ARHGAP32: variants seen among roughly 807,000 people sequenced by gnomAD.
ARHGAP32 encodes the protein Rho GTPase activating protein 32.
ARHGAP32 carries 51 observed loss-of-function variants against 186.5 expected under a neutral mutation model. That is an observed-to-expected ratio of 0.27 (90% CI 0.22 to 0.35). The LOEUF is 0.35. ARHGAP32 is among the 10% of genes least tolerant of loss of function. The pLI is 1.00. For synonymous variants in ARHGAP32, 950 were observed against 964.3 expected (o/e 0.99, Z 0.27); for missense variants, 2,186 against 2,623.5 (o/e 0.83, Z 3.64).
intron 11 of ARHGAP32, among the ~76,000 whole-genome samples, chr11:129,019,783 T>C (rs561316967): frequency 7.2e-5 from 11 of 152,226 alleles, no homozygotes; most frequent in Middle Eastern, 3.4e-3. Flanking sequence ...GACCTAGTCA[T>C]TGAAAGCTTT....
intron 12 of ARHGAP32, among the ~76,000 whole-genome samples, chr11:128,996,842 C>T (rs1432504373): frequency 1.3e-5 from 2 of 151,892 alleles, no homozygotes; most frequent in East Asian, 1.9e-4. Context: ...AGTGCAGTGG[C>T]GTGAAATCAG....
intron 11 of ARHGAP32, among the ~76,000 whole-genome samples, chr11:129,034,919 T>C (rs577038154): frequency 1.3e-5 from 2 of 149,366 alleles, no homozygotes; most frequent in South Asian, 2.1e-4. Context: ...AACTGATATG[T>C]AAAGGAGAGG....
chr11:129,005,388 G>A lies in ARHGAP32; in HGVS notation c.1046-6920C>T, dbSNP rs528082600. Among the ~76,000 whole-genome samples, 13 of 152,062 alleles carry A rather than the reference G, an allele frequency of 8.5e-5. No individual in the cohort carries two copies. The East Asian group carries it at 1.2e-3, about 14-fold the overall frequency. ...TAATTTCTTATTGTTCATTAATGTC[G>A]TTTTCTTTCTGACTGAAGTATTCCC... On this transcript the variant is annotated intron_variant, in intron 11 of 22. Coordinates refer to ENST00000682385, the MANE Select transcript of ARHGAP32 (RefSeq NM_001378024.1).
chr11:129,142,777 T>C (rs566681673), intron 2 of ARHGAP32, among the ~76,000 whole-genome samples: 1 of 151,744 alleles, frequency 6.6e-6, no homozygotes, highest in South Asian at 2.1e-4. Flanking sequence ...TTGATCAAAG[T>C]GTTCTTTCTG....
At chr11:128,998,026 C>G (rs1946249673) in intron 12 of ARHGAP32, among the ~76,000 whole-genome samples, 1 of 152,096 alleles carries the variant, frequency 6.6e-6, no homozygotes, top group Non-Finnish European at 1.5e-5. Context: ...GCTGAAGAAG[C>G]TATCTAGGGA....
In ARHGAP32 at chr11:129,272,115, G is replaced by A. The variant is rs148691938; in HGVS notation, c.-5+7031C>T. On this transcript the variant is annotated intron_variant, in intron 1 of 6. Coordinates refer to the ARHGAP32 transcript ENST00000525234. ...ATAAACAACTCTTGAAATTTCTGCT[G>A]CAAAAGGAAACAAAAAAAGGACAAT... Among the ~76,000 whole-genome samples, 76 of 152,232 alleles carry A rather than the reference G, an allele frequency of 5.0e-4. 1 individual carries two copies. The East Asian group carries it at 0.014, about 29-fold the overall frequency.
intron 2 of ARHGAP32, among the ~76,000 whole-genome samples, chr11:129,156,480 T>C (rs921692641): frequency 2.0e-5 from 3 of 152,106 alleles, no homozygotes; most frequent in Non-Finnish European, 4.4e-5. Context: ...CCCTGGGAAG[T>C]TGGGACAGTG....
chr11:129,216,877 C>T (rs908377824), intron 1 of ARHGAP32, among the ~76,000 whole-genome samples: 2 of 151,822 alleles, frequency 1.3e-5, no homozygotes, highest in South Asian at 2.1e-4. Context: ...TCCACCTCAA[C>T]TATTTCTATT....
intron 1 of ARHGAP32, among the ~76,000 whole-genome samples, chr11:129,276,182 G>A (rs1761186574): frequency 6.6e-6 from 1 of 152,200 alleles, no homozygotes; most frequent in Non-Finnish European, 1.5e-5. Context: ...CCAAGTAATT[G>A]AAAATTCCAG....
intron 1 of ARHGAP32, among the ~76,000 whole-genome samples, chr11:129,252,412 G>C (rs77271701): frequency 1.2e-3 from 178 of 152,230 alleles, no homozygotes; most frequent in African/African-American, 4.2e-3. Flanking sequence ...TGGCAACTTC[G>C]GTCCTTGAGA....
At chr11:129,103,280 T>A (rs1449458529) in intron 5 of ARHGAP32, among the ~76,000 whole-genome samples, 1 of 152,136 alleles carries the variant, frequency 6.6e-6, no homozygotes, top group Non-Finnish European at 1.5e-5. Context: ...TATCAGATTT[T>A]AAGAGCAAAC....
chr11:129,081,105 C>A (rs924920318), intron 6 of ARHGAP32, among the ~76,000 whole-genome samples: 7 of 151,756 alleles, frequency 4.6e-5, no homozygotes, highest in African/African-American at 1.7e-4. Context: ...CAGCAATACT[C>A]AAATGGTAAT....
chr11:129,107,642 G>A (rs540402258), intron 5 of ARHGAP32, among the ~76,000 whole-genome samples: 5 of 152,260 alleles, frequency 3.3e-5, no homozygotes, highest in African/African-American at 1.2e-4. Context: ...GCCACAGCAG[G>A]CGGATCGCCT....
At chr11:128,990,612 G>C (rs774406821) in intron 12 of ARHGAP32, among the ~76,000 whole-genome samples, 1 of 152,222 alleles carries the variant, frequency 6.6e-6, no homozygotes, top group Non-Finnish European at 1.5e-5. Context: ...AGGTAGAATT[G>C]CTGGGTACTT....
In ARHGAP32 at chr11:128,973,272, G is replaced by A. The variant is rs944681427; in HGVS notation, c.3234C>T (p.Thr1078=). ...CATAATTTGTATACCCAGCCTGAGA[G>A]GTCCCTGGTCTCTTCAATGACTGAG... ...ASTQSLKRPG[T]SQAGYTNYGD... The change falls in exon 22 of 23, where the codon ACC becomes ACT. Residue 1078 remains threonine (T), a synonymous_variant. Coordinates refer to ENST00000682385, the MANE Select transcript of ARHGAP32 (RefSeq NM_001378024.1). 18 of 1,613,906 alleles carry A rather than the reference G, an allele frequency of 1.1e-5. No individual in the cohort carries two copies. The highest frequency in any genetic ancestry group is 1.4e-5 in the Non-Finnish European group (17 of 1,180,044).
intron 11 of ARHGAP32, among the ~76,000 whole-genome samples, chr11:129,036,642 T>C (rs1044619010): frequency 6.6e-6 from 1 of 152,132 alleles, no homozygotes; most frequent in Non-Finnish European, 1.5e-5. Flanking sequence ...CCCATTATAA[T>C]CTCAACAGAT....
At chr11:129,179,032 G>A (rs529763523) in intron 1 of ARHGAP32, among the ~76,000 whole-genome samples, 3 of 151,316 alleles carry the variant, frequency 2.0e-5, no homozygotes, top group Admixed American at 2.0e-4. Flanking sequence ...GAAAATTTTT[G>A]CAACCTACTC....
chr11:129,049,843 T>C (rs898148419), intron 10 of ARHGAP32, among the ~76,000 whole-genome samples: 3 of 151,988 alleles, frequency 2.0e-5, no homozygotes, highest in Admixed American at 6.6e-5. Context: ...TGAACATTCA[T>C]GTATGAGTTT....
At chr11:129,276,329 C>G (rs1945530396) in intron 1 of ARHGAP32, among the ~76,000 whole-genome samples, 1 of 152,146 alleles carries the variant, frequency 6.6e-6, no homozygotes, top group Admixed American at 6.5e-5. Flanking sequence ...GAGACAGGAT[C>G]TCACTCTGTT....
Sources: gnomAD v4.1 joint callset for allele counts (sites outside exome capture counted in the v4.1 genomes callset) on GRCh38, gnomAD v4.1.1 for gene constraint, MANE v1.5 for transcripts, NCBI Gene and HGNC (gene_info 2026-07-23, HGNC 2026-07-21) for gene names.